Variants in SYNE2 observed in about 807,000 individuals in gnomAD.
SYNE2 encodes spectrin repeat containing nuclear envelope protein 2.
Under a neutral mutation model 856.3 loss-of-function variants are expected in SYNE2, and 431 were observed. The observed-to-expected ratio is 0.50, with a 90% CI of 0.47 to 0.55. The LOEUF (loss-of-function observed/expected upper bound fraction) is 0.55, where lower values mean the gene tolerates loss of function less well. Among genes scored for constraint, SYNE2 ranks in the 20% least tolerant of loss-of-function variants. SYNE2 has a pLI of 0.00. For synonymous variants in SYNE2, 2,923 were observed against 2,872.3 expected (o/e 1.02, Z -0.56); for missense variants, 8,129 against 8,023.2 (o/e 1.01, Z -0.50).
At chr14:64,215,245 C>A in intron 106 of SYNE2, 41 bp from the exon 107 acceptor site, 3 of 1,574,806 alleles carry the variant, frequency 1.9e-6, no homozygotes, top group Non-Finnish European at 2.6e-6. Context: ...CATTAATCTT[C>A]AGGCACCTCC....
Position 63,767,358 on chromosome 14 carries a change from C to T in SYNE2, c.-305+5372C>T, listed in dbSNP as rs180744608. On this transcript the variant is annotated intron_variant, in intron 1 of 23. Coordinates refer to the SYNE2 transcript ENST00000674003. ...CTCCTGACCTCAAGTAATCCGCCCA[C>T]GTCTGCCTCCCAAAGTGCTGGGATT... Among the ~76,000 whole-genome samples, 100 of 152,244 alleles carry T rather than the reference C, an allele frequency of 6.6e-4. 1 individual carries two copies. The East Asian group carries it at 0.01, about 16-fold the overall frequency.
chr14:63,825,343 T>TA (rs1171272474), intron 1 of SYNE2, among the ~76,000 whole-genome samples: 3 of 152,004 alleles, frequency 2.0e-5, no homozygotes, highest in Admixed American at 6.6e-5. Flanking sequence ...AACTTTTATG[T>TA]AAAAAAACCT....
intron 30 of SYNE2, among the ~76,000 whole-genome samples, chr14:64,003,990 C>T (rs1277240300): frequency 2.0e-5 from 3 of 151,298 alleles, no homozygotes; most frequent in African/African-American, 2.4e-5. Flanking sequence ...GGAATTCTTT[C>T]CCCCTCACCT....
At chr14:63,998,777 G>A (rs1261291287) in intron 26 of SYNE2, 137 bp from the exon 27 acceptor site, 19 of 845,520 alleles carry the variant, frequency 2.2e-5, no homozygotes, top group South Asian at 2.2e-4. Flanking sequence ...TGGCCAGGCT[G>A]GTCTCAAACT....
At chr14:64,135,785 C>T (rs1198987918) in intron 78 of SYNE2, among the ~76,000 whole-genome samples, 2 of 152,128 alleles carry the variant, frequency 1.3e-5, no homozygotes, top group African/African-American at 2.4e-5. Context: ...TCCTGTAAAG[C>T]CCATCTCACA....
At chr14:63,893,033 C>G (rs755881357) in intron 1 of SYNE2, among the ~76,000 whole-genome samples, 22 of 152,020 alleles carry the variant, frequency 1.4e-4, no homozygotes, top group Non-Finnish European at 3.1e-4. Context: ...AGGGTCTACA[C>G]AGTTACTAGA....
chr14:64,153,243 G>A (rs777110172), intron 85 of SYNE2, among the ~76,000 whole-genome samples: 1 of 152,182 alleles, frequency 6.6e-6, no homozygotes, highest in African/African-American at 2.4e-5. Flanking sequence ...CTTACAAAAG[G>A]CATGTCAATG....
At chr14:64,007,245 CT>C in intron 31 of SYNE2, 23 bp downstream of exon 31, 1 of 1,610,526 alleles carries the variant, frequency 6.2e-7, no homozygotes, top group East Asian at 2.2e-5. Flanking sequence ...AAGAATCCCT[CT>C]TGAATCTGAA....
At position 63,824,960 on chromosome 14, in the gene SYNE2, C is replaced by G. The variant is rs143627860; in HGVS notation, c.-304-27541C>G. Among the ~76,000 whole-genome samples the G allele has an allele frequency of 6.3e-3, 963 of 151,858 alleles. 6 individuals carry two copies. The highest frequency in any genetic ancestry group is 0.022 in the African/African-American group (923 of 41,432). ...CAGCCTGGCCAACACAGTGAAACCC[C>G]ATCTCTACTAAAAATACAAAAATTA... is the stretch of plus-strand genomic sequence containing the variant. On this transcript the variant is annotated intron_variant, in intron 1 of 23. Transcript: ENST00000674003.
chr14:64,031,489 G>A (rs1257866953), intron 45 of SYNE2, 132 bp downstream of exon 45: 1 of 814,196 alleles, frequency 1.2e-6, no homozygotes, highest in Non-Finnish European at 2.0e-6. Context: ...TATTTATGAA[G>A]CCTACTTGTA....
intron 49 of SYNE2, 108 bp downstream of exon 49, chr14:64,056,374 C>CT (rs2097268790): frequency 1.9e-6 from 2 of 1,037,172 alleles, no homozygotes. Context: ...GTTTTTTTCT[C>CT]TGTCATTAAC....
In SYNE2 at chr14:64,122,288, A is replaced by G. The variant is rs2097904056; in HGVS notation, c.13283A>G (p.Asn4428Ser). The change falls in exon 70 of 116, where the codon AAC becomes AGC. Residue 4428 changes from asparagine to serine, a missense_variant and splice_region_variant. By Grantham distance (46) the Asn-to-Ser change is conservative (BLOSUM62 1). Transcript: ENST00000555002. The stretch of plus-strand genomic sequence containing the variant: ...CACCTTTTGTTCTTCTTCAAAAGCA[A>G]CCAGGCATCCAGCCCTGAAAATGAC... ...NDTTQESSAS[N>S]QASSPENDVP... 6.2e-7 allele frequency: 1 copy of G among 1,614,180 alleles called. No individual in the cohort carries two copies. Among genetic ancestry groups the G allele is most frequent in the Middle Eastern group, 1.6e-4 (1 of 6,062 alleles).
rs964727357 is a variant in SYNE2, at chr14:63,941,888, C to T, written c.241C>T (p.Arg81Trp). Residue 81 changes from arginine (R) to tryptophan (W), a missense_variant, in exon 5 of 116, where the codon CGG becomes TGG. Around this residue, in one of 3 missense-constraint regions of SYNE2, gnomAD observed 2,422 missense variants for 2,357.4 expected, o/e 1.03. Transcript: ENST00000555002. ...TATATTTGCTTGAATTTCACAGCCT[C>T]GGGATAAAGGATCTAATACCTTCCA... ...LEVLSGQQLPRDKGSNTFQCR... is the reference protein window; with the variant it reads ...LEVLSGQQLPWDKGSNTFQCR... 1.2e-5 allele frequency: 20 copies of T among 1,613,148 alleles called. No individual in the cohort carries two copies. Among genetic ancestry groups the T allele is most frequent in the African/African-American group, 5.3e-5 (4 of 74,888 alleles).
chr14:64,155,195 C>T (rs916353084), intron 85 of SYNE2, among the ~76,000 whole-genome samples: 1 of 152,108 alleles, frequency 6.6e-6, no homozygotes, highest in African/African-American at 2.4e-5. Context: ...TTCATGATAG[C>T]CAGAAAGTGT....
chr14:63,811,639 A>G (rs1008088226), intron 1 of SYNE2, among the ~76,000 whole-genome samples: 8 of 152,190 alleles, frequency 5.3e-5, no homozygotes, highest in Non-Finnish European at 1.2e-4. Context: ...CTCGCCCCCA[A>G]TATTTCAACG....
At position 64,202,899 on chromosome 14, in the gene SYNE2, C is replaced by T. The variant is rs2098581989; in HGVS notation, c.18137C>T (p.Ser6046Phe). 6.2e-7 allele frequency: 1 copy of T among 1,614,178 alleles called. No homozygotes were observed. Among genetic ancestry groups the T allele is most frequent in the Non-Finnish European group, 8.5e-7 (1 of 1,180,024 alleles). The stretch of plus-strand genomic sequence containing the variant: ...TTGGCTCGAATTGAGTCTGAGCTTT[C>T]CAAGCCTGTTGTTTATGATGTCTGC... ...TWLARIESEL[S>F]KPVVYDVCDD... Residue 6046 changes from serine to phenylalanine, a missense_variant, in exon 100 of 116, where the codon TCC becomes TTC. Around this residue, in one of 3 missense-constraint regions of SYNE2, gnomAD observed 5,410 missense variants for 5,284.8 expected, o/e 1.02. Transcript: ENST00000555002.
intron 96 of SYNE2, among the ~76,000 whole-genome samples, chr14:64,184,829 T>C (rs1490914863): frequency 6.6e-6 from 1 of 152,266 alleles, no homozygotes; most frequent in Admixed American, 6.5e-5. Context: ...TTAAAAAGAA[T>C]TCTCTGGGCC....
rs11315645 is a variant in SYNE2, at chr14:64,110,588, A to ACCCCCCC, written c.12610-2746_12610-2740dup. Among the ~76,000 whole-genome samples the ACCCCCCC allele has an allele frequency of 6.0e-4, 45 of 75,392 alleles. 1 individual carries two copies. The highest frequency in any genetic ancestry group is 1.2e-3 in the African/African-American group (21 of 17,472). The allele number at this position is 75,392 out of a possible 152,430, so 49.5% of individuals were successfully genotyped here. A position where few individuals can be genotyped will look rare whatever the true frequency, so the allele number is the denominator to read the frequency against. The stretch of plus-strand genomic sequence containing the variant: ...AAATACTTATAGTAATACTTTTTAC[A>ACCCCCCC]CCCCCCCCCCCCCGCCAAAGTGTAC... On this transcript the variant is annotated intron_variant, in intron 65 of 115. Coordinates refer to ENST00000555002, the MANE Select transcript of SYNE2 (RefSeq NM_182914.3).
intron 17 of SYNE2, 25 bp downstream of exon 17, chr14:63,982,819 C>T: frequency 1.2e-6 from 2 of 1,610,542 alleles, no homozygotes; most frequent in Non-Finnish European, 1.7e-6. Flanking sequence ...TTGGTTGCAG[C>T]TTTATTTAGA....
Sources: allele counts gnomAD v4.1 joint callset (sites outside exome capture counted in the v4.1 genomes callset), GRCh38; gene constraint gnomAD v4.1.1; regional missense constraint gnomAD v4.1.1; transcripts MANE v1.5; gene names NCBI Gene and HGNC (gene_info 2026-07-23, HGNC 2026-07-21).